IMPG2: variants seen among roughly 807,000 people sequenced by gnomAD.
IMPG2 encodes the protein interphotoreceptor matrix proteoglycan 2.
A neutral mutation model predicts 129.2 loss-of-function variants in IMPG2; 91 were observed. That is an observed-to-expected ratio of 0.70 (90% CI 0.59 to 0.84). The LOEUF (loss-of-function observed/expected upper bound fraction) is 0.84. IMPG2 is among the 40% of genes least tolerant of loss of function. IMPG2 has a pLI of 0.00. For missense variants in IMPG2, 1,430 were observed against 1,461.7 expected (o/e 0.98, Z 0.35); for synonymous variants, 510 against 517.7 (o/e 0.99, Z 0.20).
chr3:101,293,878 C>T (rs1193162133), intron 3 of IMPG2, among the ~76,000 whole-genome samples: 5 of 152,198 alleles, frequency 3.3e-5, no homozygotes, highest in African/African-American at 1.2e-4. Flanking sequence ...TCTGAAGCTT[C>T]CTCGCCTCTC....
At chr3:101,235,443 T>G (rs1488499866) in intron 14 of IMPG2, among the ~76,000 whole-genome samples, 9 of 152,230 alleles carry the variant, frequency 5.9e-5, no homozygotes, top group Non-Finnish European at 7.3e-5. Flanking sequence ...ATTTAAAAAT[T>G]TTGAAACTTT....
intron 11 of IMPG2, among the ~76,000 whole-genome samples, chr3:101,248,526 A>T (rs185494818): frequency 6.6e-6 from 1 of 152,296 alleles, no homozygotes; most frequent in East Asian, 1.9e-4. Context: ...TCTCTGTCAA[A>T]GATCTGTGTG....
At chr3:101,270,502 C>T (rs988410342) in intron 7 of IMPG2, among the ~76,000 whole-genome samples, 3 of 152,050 alleles carry the variant, frequency 2.0e-5, no homozygotes, top group African/African-American at 7.2e-5. Flanking sequence ...TCCAAATGAG[C>T]TTAGTGACTG....
chr3:101,244,157 G>A lies in IMPG2; in HGVS notation c.2174C>T (p.Thr725Ile). Reference sequence around the variant, plus strand: ...AGTAGAGGCAGAGATTGCTACAGATGTCAGTATAAGAGGTGCTTTGGTAAC... The same window carrying A: ...AGTAGAGGCAGAGATTGCTACAGATATCAGTATAAGAGGTGCTTTGGTAAC... Reference protein sequence around the residue: ...YSVTKAPLILTSVAISASTDK... With the variant: ...YSVTKAPLILISVAISASTDK... Residue 725 changes from threonine (T) to isoleucine (I), a missense_variant, in exon 13 of 19, where the codon ACA becomes ATA. Coordinates refer to ENST00000193391, the MANE Select transcript of IMPG2 (RefSeq NM_016247.4). The A allele has an allele frequency of 6.2e-7, 1 of 1,614,122 alleles. No homozygotes were observed. Among genetic ancestry groups the A allele is most frequent in the Non-Finnish European group, 8.5e-7 (1 of 1,180,010 alleles).
chr3:101,269,798 T>A (rs111748214), intron 7 of IMPG2, among the ~76,000 whole-genome samples: 31 of 152,122 alleles, frequency 2.0e-4, no homozygotes, highest in African/African-American at 7.0e-4. Context: ...TGTGCTTTAA[T>A]ATTAATTTTT....
intron 16 of IMPG2, 34 bp from the exon 17 acceptor site, chr3:101,229,624 T>A: frequency 6.4e-7 from 1 of 1,573,970 alleles, no homozygotes; most frequent in Non-Finnish European, 8.7e-7. Flanking sequence ...CAGGCTCTTG[T>A]TTGGATGCTC....
In IMPG2 at chr3:101,243,643, T is replaced by G; in HGVS notation, c.2688A>C (p.Ser896=). 1 of 1,614,002 alleles carries G rather than the reference T, an allele frequency of 6.2e-7. No homozygotes were observed. Among genetic ancestry groups the G allele is most frequent in the Non-Finnish European group, 8.5e-7 (1 of 1,179,984 alleles). Residue 896 remains serine, a synonymous_variant, in exon 13 of 19, where the codon TCA becomes TCC. Transcript: ENST00000193391. ...GGCTGAAGAAAACCACCAAAGCTCCTGAAGTCTGGGTATAACTCAAGTCAT... is the reference window on the plus strand; with the variant it reads ...GGCTGAAGAAAACCACCAAAGCTCCGGAAGTCTGGGTATAACTCAAGTCAT... ...GGDDLSYTQT[S]GALVVFFSLR...
intron 2 of IMPG2, among the ~76,000 whole-genome samples, chr3:101,315,118 C>A (rs552836654): frequency 1.3e-5 from 2 of 152,106 alleles, no homozygotes; most frequent in African/African-American, 2.4e-5. Context: ...ACCAGACACA[C>A]GAACAACAGT....
chr3:101,244,189 A>G lies in IMPG2; in HGVS notation c.2142T>C (p.Asp714=), dbSNP rs772167609. The G allele has an allele frequency of 4.3e-6, 7 of 1,614,046 alleles. No homozygotes were observed. The highest frequency in any genetic ancestry group is 3.3e-5 in the Admixed American group (2 of 60,000). ...TAAGAGGTGCTTTGGTAACTGAGTA[A>G]TCATCAACACCAGGTACTTCTGATA... is the stretch of plus-strand genomic sequence containing the variant. The part of the protein sequence containing the change: ...KHISEVPGVD[D]YSVTKAPLIL... Residue 714 remains aspartate, a synonymous_variant, in exon 13 of 19, where the codon GAT becomes GAC. Coordinates refer to ENST00000193391, the MANE Select transcript of IMPG2 (RefSeq NM_016247.4).
Position 101,223,247 on chromosome 3 carries a change from CT to C in IMPG2, c.*3721del, listed in dbSNP as rs1706184682. On this transcript the variant is annotated 3_prime_UTR_variant, in exon 19 of 19. Coordinates refer to ENST00000193391, the MANE Select transcript of IMPG2 (RefSeq NM_016247.4). ...CACAATTGGGAGAATAAGCTAGGAT[CT>C]TGACTCACTGCAGCTGGATTGTAAA... 6.6e-6 allele frequency: 1 copy of C among 152,204 alleles called. No homozygotes were observed. Among genetic ancestry groups the C allele is most frequent in the Non-Finnish European group, 1.5e-5 (1 of 68,044 alleles). The allele number at this position is 152,204 out of a possible 1,614,324, so 9.4% of individuals were successfully genotyped here. A position where few individuals can be genotyped will look rare whatever the true frequency, so the allele number is the denominator to read the frequency against.
chr3:101,313,412 CA>C (rs1362958844), intron 2 of IMPG2, among the ~76,000 whole-genome samples: 3 of 152,132 alleles, frequency 2.0e-5, no homozygotes, highest in African/African-American at 7.2e-5. Context: ...TGTAACTAAA[CA>C]GTTCAGAATT....
Position 101,265,301 on chromosome 3 carries a change from T to C in IMPG2, c.908+2210A>G, listed in dbSNP as rs376000015. 1.8e-4 allele frequency among the ~76,000 whole-genome samples: 28 copies of C among 152,192 alleles called. No homozygotes were observed. In the South Asian group the frequency reaches 5.6e-3, roughly 30 times the overall value. On this transcript the variant is annotated intron_variant, in intron 9 of 18. Transcript: ENST00000193391. Reference sequence around the variant, plus strand: ...TCATACTACTAGACTTCAAATATAGTACAAAGCTGTAGTCATCAAAACAGC... The same window carrying C: ...TCATACTACTAGACTTCAAATATAGCACAAAGCTGTAGTCATCAAAACAGC...
rs756818979 is a variant in IMPG2, at chr3:101,319,680, G to C, written c.238C>G (p.Arg80Gly). The C allele has an allele frequency of 5.6e-5, 90 of 1,613,498 alleles. 1 individual carries two copies. The South Asian group carries it at 9.9e-4, about 18-fold the overall frequency. Residue 80 changes from arginine (R) to glycine (G), a missense_variant, in exon 2 of 19, where the codon CGG becomes GGG. Arg to Gly is a moderately radical substitution (Grantham distance 125, BLOSUM62 -2). Transcript: ENST00000193391. Reference protein sequence around the residue: ...ETERQWLIRRRRSILFPNGVK... With the variant: ...ETERQWLIRRGRSILFPNGVK... ...CCATTAGGAAACAGAATAGATCTCCGCCTTCTGATTAACCACTGTCTTTCA... is the reference window on the plus strand; with the variant it reads ...CCATTAGGAAACAGAATAGATCTCCCCCTTCTGATTAACCACTGTCTTTCA...
intron 9 of IMPG2, 35 bp downstream of exon 9, chr3:101,267,476 A>G: frequency 6.3e-7 from 1 of 1,591,698 alleles, no homozygotes; most frequent in Non-Finnish European, 8.6e-7. Context: ...CTGTCTCCCA[A>G]TTCAATGGAC....
At chr3:101,279,388 A>C (rs76709696) in intron 4 of IMPG2, among the ~76,000 whole-genome samples, 3,160 of 152,316 alleles carry the variant, frequency 0.021, 110 homozygotes, top group African/African-American at 0.072. Flanking sequence ...GGCCCACTGG[A>C]TGCCAGAAAC....
Position 101,304,141 on chromosome 3 carries a change from C to T in IMPG2, c.501+5G>A, listed in dbSNP as rs1404077542. ...AGGAATCCCTTCCTTTGTTGTGACA[C>T]TTACCTTCATGATTAAGCTTCTATG... On this transcript the variant is annotated splice_donor_5th_base_variant and intron_variant, in intron 3 of 18. Coordinates refer to ENST00000193391, the MANE Select transcript of IMPG2 (RefSeq NM_016247.4). 1 of 1,613,540 alleles carries T rather than the reference C, an allele frequency of 6.2e-7. No homozygotes were observed. The highest frequency in any genetic ancestry group is 8.5e-7 in the Non-Finnish European group (1 of 1,179,600).
rs1559639689 is a variant in IMPG2 at position 101,232,817 on chromosome 3, T to G, written c.3197A>C (p.Lys1066Thr). ...LQPDFCLNDG[K>T]CDIMPGHGAI... Reference sequence around the variant, plus strand: ...CCCGTGCCCAGGCATAATGTCACACTTTCCATCATTCAAGCAGAAGTCAGG... The same window carrying G: ...CCCGTGCCCAGGCATAATGTCACACGTTCCATCATTCAAGCAGAAGTCAGG... The change falls in exon 15 of 19, where the codon AAG becomes ACG. Residue 1066 changes from lysine (K) to threonine (T), a missense_variant. Lys to Thr is a moderately conservative substitution (Grantham distance 78, BLOSUM62 -1). Transcript: ENST00000193391. The G allele has an allele frequency of 1.2e-6, 2 of 1,613,414 alleles. No homozygotes were observed. The highest frequency in any genetic ancestry group is 1.7e-6 in the Non-Finnish European group (2 of 1,179,898).
chr3:101,301,292 A>G (rs1327584791), intron 3 of IMPG2, among the ~76,000 whole-genome samples: 3 of 152,234 alleles, frequency 2.0e-5, no homozygotes, highest in African/African-American at 7.2e-5. Context: ...AGAATTACCA[A>G]AATGTGAGAC....
chr3:101,245,329 C>T (rs76525335), intron 12 of IMPG2, among the ~76,000 whole-genome samples: 1 of 152,088 alleles, frequency 6.6e-6, no homozygotes, highest in Non-Finnish European at 1.5e-5. Context: ...TTATCTATTT[C>T]ATTTTCACTT....
Sources: gnomAD v4.1 joint callset for allele counts (sites outside exome capture counted in the v4.1 genomes callset) on GRCh38, gnomAD v4.1.1 for gene constraint, MANE v1.5 for transcripts, NCBI Gene and HGNC (gene_info 2026-07-23, HGNC 2026-07-21) for gene names.